The following YIPF5 variants were observed in gnomAD, a reference collection of about 807,000 sequenced individuals.
YIPF5 encodes the protein Yip1 domain family member 5, also known as protein YIPF5.
Under a neutral mutation model 30.4 loss-of-function variants are expected in YIPF5, and 8 were observed. That is an observed-to-expected ratio of 0.26 (90% CI 0.15 to 0.47). The LOEUF (loss-of-function observed/expected upper bound fraction) is 0.47, where lower values mean the gene tolerates loss of function less well. Among genes scored for constraint, YIPF5 ranks in the 20% least tolerant of loss-of-function variants. YIPF5 has a pLI of 0.99. For synonymous variants in YIPF5, 104 were observed against 107.9 expected, an observed-to-expected ratio of 0.96 and a Z score of 0.23; for missense variants, 282 against 301.8, an observed-to-expected ratio of 0.93 and a Z score of 0.49.
At position 144,165,556 on chromosome 5, in the gene YIPF5, T is replaced by G; in HGVS notation, c.159A>C (p.Pro53=). Residue 53 remains proline (P), a synonymous_variant, in exon 3 of 6, where the codon CCA becomes CCC. Coordinates refer to ENST00000274496, the MANE Select transcript of YIPF5 (RefSeq NM_030799.9). ...DYSQQGRFVP[P]DMMQPQQPYT... The stretch of plus-strand genomic sequence containing the variant: ...ATGGCTGTTGTGGCTGCATCATGTC[T>G]GGAGGGACAAATCTGCCTTGCTGCG... The G allele has an allele frequency of 6.2e-7, 1 of 1,614,180 alleles. No homozygotes were observed. The highest frequency in any genetic ancestry group is 8.5e-7 in the Non-Finnish European group (1 of 1,180,016).
chr5:144,161,255 G>A (rs1356725323), intron 5 of YIPF5, among the ~76,000 whole-genome samples: 4 of 151,212 alleles, frequency 2.6e-5, no homozygotes, highest in African/African-American at 9.7e-5. Context: ...CTAGTCACAT[G>A]GAGGATTTTA....
chr5:144,163,929 T>C (rs1009936347), intron 4 of YIPF5, 182 bp downstream of exon 4: 7 of 539,746 alleles, frequency 1.3e-5, no homozygotes, highest in Non-Finnish European at 1.8e-5. Flanking sequence ...TTTTAAAACA[T>C]GCTACACTTA....
At chr5:144,164,594 C>T (rs1459056425) in intron 3 of YIPF5, among the ~76,000 whole-genome samples, 19 of 149,582 alleles carry the variant, frequency 1.3e-4, no homozygotes. Flanking sequence ...TTTGTAGAGA[C>T]AGGGTCTTGC....
Position 144,158,829 on chromosome 5 carries a change from C to A in YIPF5, c.*1568G>T. 6.1e-6 allele frequency: 6 copies of A among 984,692 alleles called. No individual in the cohort carries two copies. Among genetic ancestry groups the A allele is most frequent in the Non-Finnish European group, 7.2e-6 (6 of 829,306 alleles). 61.0% of individuals were successfully genotyped at this position (984,692 alleles called of 1,614,324 possible). A position where few individuals can be genotyped will look rare whatever the true frequency, so the allele number is the denominator to read the frequency against. On this transcript the variant is annotated 3_prime_UTR_variant, in exon 6 of 6. Transcript: ENST00000274496. ...TCAATAAATATGTTATTTCTCTCAA[C>A]CTCTTTTTATGCTTTGAAAACTTGT...
rs368071357 is a variant in YIPF5 at position 144,165,633 on chromosome 5, A to G, written c.111-29T>C. 31 of 1,612,056 alleles carry G rather than the reference A, an allele frequency of 1.9e-5. No homozygotes were observed. The African/African-American group carries it at 3.9e-4, about 20-fold the overall frequency. On this transcript the variant is annotated intron_variant, in intron 2 of 5. Coordinates refer to ENST00000274496, the MANE Select transcript of YIPF5 (RefSeq NM_030799.9). Reference sequence around the variant, plus strand: ...TAAATGAAAGAAAGTTAAATTTTTCAGAGGTATTTCAACTCTGTACAGTTA... The same window carrying G: ...TAAATGAAAGAAAGTTAAATTTTTCGGAGGTATTTCAACTCTGTACAGTTA...
In YIPF5 at chr5:144,160,170, C is replaced by A; in HGVS notation, c.*227G>T. The stretch of plus-strand genomic sequence containing the variant: ...ACCAGAAAGAAATAGCATTTCTTAT[C>A]TGTATAAACACAAACATTTAAAGCT... On this transcript the variant is annotated 3_prime_UTR_variant, in exon 6 of 6. Transcript: ENST00000274496. 1 of 1,216,588 alleles carries A rather than the reference C, an allele frequency of 8.2e-7. No homozygotes were observed. Among genetic ancestry groups the A allele is most frequent in the Non-Finnish European group, 1.0e-6 (1 of 978,452 alleles). 75.4% of individuals were successfully genotyped at this position (1,216,588 alleles called of 1,614,324 possible).
chr5:144,165,548 A>G lies in YIPF5; in HGVS notation c.167T>C (p.Met56Thr). 1 of 1,614,160 alleles carries G rather than the reference A, an allele frequency of 6.2e-7. No homozygotes were observed. Residue 56 changes from methionine to threonine, a missense_variant, in exon 3 of 6, where the codon ATG (methionine) becomes ACG (threonine). Transcript: ENST00000274496. ...CCCGGTGTATGGCTGTTGTGGCTGCATCATGTCTGGAGGGACAAATCTGCC... is the reference window on the plus strand; with the variant it reads ...CCCGGTGTATGGCTGTTGTGGCTGCGTCATGTCTGGAGGGACAAATCTGCC... ...QQGRFVPPDMMQPQQPYTGQI... is the reference protein window; with the variant it reads ...QQGRFVPPDMTQPQQPYTGQI...
Position 144,159,954 on chromosome 5 carries a change from C to G in YIPF5, c.*443G>C. ...CGATCTCCTGCCCTTGTGATCCGCC[C>G]GCCTCGGCCTCCCAAAGTGCTGGGA... On this transcript the variant is annotated 3_prime_UTR_variant, in exon 6 of 6. Transcript: ENST00000274496. 1 of 948,564 alleles carries G rather than the reference C, an allele frequency of 1.1e-6. No homozygotes were observed. Among genetic ancestry groups the G allele is most frequent in the Non-Finnish European group, 1.3e-6 (1 of 796,444 alleles). 58.8% of individuals were successfully genotyped at this position (948,564 alleles called of 1,614,324 possible).
At chr5:144,161,079 A>G (rs896266714) in intron 5 of YIPF5, among the ~76,000 whole-genome samples, 4 of 152,230 alleles carry the variant, frequency 2.6e-5, no homozygotes, top group African/African-American at 9.7e-5. Flanking sequence ...TGATTTCTAC[A>G]CTGAAAATAT....
intron 5 of YIPF5, 114 bp from the exon 6 acceptor site, chr5:144,160,673 C>T: frequency 2.3e-6 from 2 of 881,076 alleles, no homozygotes; most frequent in Non-Finnish European, 3.1e-6. Context: ...TTTAAATCTG[C>T]AAGTAGACAT....
In YIPF5 at chr5:144,165,627, T is replaced by A. The variant is rs558309393; in HGVS notation, c.111-23A>T. 3.0e-5 allele frequency: 49 copies of A among 1,612,298 alleles called. No homozygotes were observed. The South Asian group carries it at 4.9e-4, about 16-fold the overall frequency. On this transcript the variant is annotated intron_variant, in intron 2 of 5. Transcript: ENST00000274496. The stretch of plus-strand genomic sequence containing the variant: ...TGTCTATAAATGAAAGAAAGTTAAA[T>A]TTTTCAGAGGTATTTCAACTCTGTA...
chr5:144,161,955 A>T (rs907018481), intron 5 of YIPF5, among the ~76,000 whole-genome samples: 2 of 152,190 alleles, frequency 1.3e-5, no homozygotes, highest in Non-Finnish European at 2.9e-5. Flanking sequence ...ACCCTGTTCA[A>T]TTTGTTACCA....
intron 2 of YIPF5, among the ~76,000 whole-genome samples, chr5:144,166,194 A>G (rs1211741464): frequency 6.6e-6 from 1 of 152,238 alleles, no homozygotes; most frequent in Non-Finnish European, 1.5e-5. Context: ...GAATGTAACA[A>G]AAGATTTTTA....
At chr5:144,164,630 C>A (rs765991894) in intron 3 of YIPF5, among the ~76,000 whole-genome samples, 26 of 150,982 alleles carry the variant, frequency 1.7e-4, no homozygotes, top group Non-Finnish European at 3.0e-4. Flanking sequence ...GGTCTCCTGG[C>A]CTCAAGAGAT....
chr5:144,166,176 C>T (rs964612287), intron 2 of YIPF5, among the ~76,000 whole-genome samples: 16 of 152,172 alleles, frequency 1.1e-4, no homozygotes, highest in Admixed American at 3.3e-4. Context: ...GCTTTGTGAG[C>T]ACTTGCTGAA....
intron 3 of YIPF5, among the ~76,000 whole-genome samples, chr5:144,164,669 G>C (rs1232435551): frequency 1.3e-5 from 2 of 151,814 alleles, no homozygotes; most frequent in African/African-American, 4.8e-5. Flanking sequence ...CAAAGCACTG[G>C]GATTACAGGC....
In YIPF5 at chr5:144,169,854, G is replaced by C; in HGVS notation, c.102C>G (p.Pro34=). 1 of 1,613,356 alleles carries C rather than the reference G, an allele frequency of 6.2e-7. No homozygotes were observed. Among genetic ancestry groups the C allele is most frequent in the Non-Finnish European group, 8.5e-7 (1 of 1,179,360 alleles). ...CAAAGATGAAAAGTTACTTGCTATA[G>C]GGTCCTCCACTTCCTCCATAATCAT... The part of the protein sequence containing the change: ...QSYDYGGSGG[P]YSKQYAGYDY... Residue 34 remains proline (P), a synonymous_variant, in exon 2 of 6, where the codon CCC becomes CCG. Coordinates refer to ENST00000274496, the MANE Select transcript of YIPF5 (RefSeq NM_030799.9).
chr5:144,164,323 T>A, intron 3 of YIPF5, 67 bp from the exon 4 acceptor site: 1 of 1,423,978 alleles, frequency 7.0e-7, no homozygotes, highest in Non-Finnish European at 9.6e-7. Flanking sequence ...TCAAAATCTA[T>A]CCTGAAACAA....
intron 5 of YIPF5, among the ~76,000 whole-genome samples, chr5:144,161,584 G>T (rs1752048080): frequency 6.6e-6 from 1 of 152,082 alleles, no homozygotes; most frequent in Non-Finnish European, 1.5e-5. Flanking sequence ...GACATCAGGT[G>T]ATCTGCCCGC....
Sources: gnomAD v4.1 joint callset for allele counts (sites outside exome capture counted in the v4.1 genomes callset) on GRCh38, gnomAD v4.1.1 for gene constraint, MANE v1.5 for transcripts, NCBI Gene and HGNC (gene_info 2026-07-23, HGNC 2026-07-21) for gene names.